Variants in CCR5AS observed in about 807,000 individuals in gnomAD.
The protein encoded by CCR5AS is CCR5 antisense RNA.
intron 1 of CCR5AS, among the ~76,000 whole-genome samples, chr3:46,402,807 A>C (rs1702014496): frequency 6.6e-6 from 1 of 152,136 alleles, no homozygotes; most frequent in Admixed American, 6.5e-5. Context: ...TTTTGTCATG[A>C]GGGTTTGTTG....
intron 1 of CCR5AS, among the ~76,000 whole-genome samples, chr3:46,401,966 C>T (rs1352213442): frequency 6.6e-6 from 1 of 152,020 alleles, no homozygotes; most frequent in East Asian, 1.9e-4. Flanking sequence ...CCCTTTCTTC[C>T]TCATGAAGGA....
chr3:46,402,867 C>T (rs1702014891), intron 1 of CCR5AS, among the ~76,000 whole-genome samples: 1 of 152,180 alleles, frequency 6.6e-6, no homozygotes, highest in Non-Finnish European at 1.5e-5. Flanking sequence ...CAATAGGTAT[C>T]TTTTCTGCTC....
intron 2 of CCR5AS, among the ~76,000 whole-genome samples, chr3:46,379,154 A>G (rs1279444283): frequency 2.8e-5 from 4 of 143,970 alleles, no homozygotes; most frequent in Non-Finnish European, 4.6e-5. Context: ...TATATCTCCC[A>G]ATGCTATCCC....
intron 2 of CCR5AS, among the ~76,000 whole-genome samples, chr3:46,378,123 G>A (rs1273578514): frequency 1.3e-5 from 2 of 152,154 alleles, no homozygotes; most frequent in Non-Finnish European, 2.9e-5. Flanking sequence ...CTGAACAGAA[G>A]AGGCAAAAAC....
At chr3:46,388,123 A>G (rs984029870) in intron 2 of CCR5AS, among the ~76,000 whole-genome samples, 1 of 152,182 alleles carries the variant, frequency 6.6e-6, no homozygotes, top group Non-Finnish European at 1.5e-5. Flanking sequence ...CAGAGGCCTG[A>G]CATTCCTGTC....
At chr3:46,384,969 A>G (rs1701847425) in intron 2 of CCR5AS, among the ~76,000 whole-genome samples, 1 of 152,114 alleles carries the variant, frequency 6.6e-6, no homozygotes, top group Non-Finnish European at 1.5e-5. Flanking sequence ...GCGTGCATGC[A>G]TTCCTCCTGC....
chr3:46,384,564 T>A (rs1229896554), intron 2 of CCR5AS, among the ~76,000 whole-genome samples: 1 of 152,000 alleles, frequency 6.6e-6, no homozygotes, highest in Non-Finnish European at 1.5e-5. Flanking sequence ...AAGAAAAAAA[T>A]TTCTTTTTAA....
At chr3:46,388,208 T>G (rs1430326400) in intron 2 of CCR5AS, among the ~76,000 whole-genome samples, 1 of 152,084 alleles carries the variant, frequency 6.6e-6, no homozygotes, top group Admixed American at 6.5e-5. Flanking sequence ...GGGGGTGGTA[T>G]GGAGAGATAA....
chr3:46,375,310 G>A, intron 2 of CCR5AS: 1 of 167,174 alleles, frequency 6.0e-6, no homozygotes. Context: ...TGAGATCTAG[G>A]TGAGGATTGA....
chr3:46,394,396 C>A (rs1334292690), intron 1 of CCR5AS, among the ~76,000 whole-genome samples: 2 of 152,154 alleles, frequency 1.3e-5, no homozygotes, highest in Non-Finnish European at 2.9e-5. Context: ...ACTTGTGGAA[C>A]ATTCAGGATT....
At chr3:46,372,619 G>T (rs1701678379) in intron 2 of CCR5AS, 1 of 287,656 alleles carries the variant, frequency 3.5e-6, no homozygotes, top group African/African-American at 2.2e-5. Flanking sequence ...TCACTCCATG[G>T]TGCTATAGAG....
intron 3 of CCR5AS, among the ~76,000 whole-genome samples, chr3:46,368,000 T>TCA (rs1701616628): frequency 1.3e-5 from 2 of 152,240 alleles, no homozygotes; most frequent in Admixed American, 1.3e-4. Flanking sequence ...ATGGCAGGGT[T>TCA]TCTGCTCACT....
chr3:46,384,354 G>C (rs1421378397), intron 2 of CCR5AS, among the ~76,000 whole-genome samples: 1 of 152,212 alleles, frequency 6.6e-6, no homozygotes, highest in African/African-American at 2.4e-5. Context: ...ACAAAGAAAA[G>C]GGAAGATGAA....
chr3:46,399,902 C>T (rs146579687), intron 1 of CCR5AS, among the ~76,000 whole-genome samples: 8,328 of 152,234 alleles, frequency 0.055, 757 homozygotes, highest in African/African-American at 0.19. Context: ...CTCAGAACAG[C>T]TATCAGGGAA....
chr3:46,396,958 A>G (rs1353171776), intron 1 of CCR5AS, among the ~76,000 whole-genome samples: 1 of 152,210 alleles, frequency 6.6e-6, no homozygotes, highest in Non-Finnish European at 1.5e-5. Flanking sequence ...CTAATAAATA[A>G]TAAAATGTCA....
At chr3:46,398,565 A>G (rs1387356079) in intron 1 of CCR5AS, among the ~76,000 whole-genome samples, 1 of 152,228 alleles carries the variant, frequency 6.6e-6, no homozygotes, top group Non-Finnish European at 1.5e-5. Context: ...GGTATATACA[A>G]GGGTGTCTTA....
chr3:46,396,641 CA>C (rs1274621330), intron 1 of CCR5AS, among the ~76,000 whole-genome samples: 1 of 152,186 alleles, frequency 6.6e-6, no homozygotes, highest in Non-Finnish European at 1.5e-5. Flanking sequence ...GCCCCCTTCC[CA>C]GGGATGGCTG....
chr3:46,405,956 G>A (rs1388115196), intron 1 of CCR5AS, among the ~76,000 whole-genome samples: 2 of 151,102 alleles, frequency 1.3e-5, no homozygotes, highest in South Asian at 2.1e-4. Context: ...GCTCACCGCA[G>A]CCTCCAACTC....
At position 46,391,780 on chromosome 3, in the gene CCR5AS, G is replaced by A. The variant is rs1559574441; in HGVS notation, n.391+1045C>T. 2.6e-5 allele frequency among the ~76,000 whole-genome samples: 4 copies of A among 152,180 alleles called. No homozygotes were observed. The South Asian group carries it at 8.3e-4, about 32-fold the overall frequency. ...CAAAGGTTTATAGGGTAGGGGAGCA[G>A]AGGCTGGGGAAGAATTGGGACCTGG... On this transcript the variant is annotated intron_variant and non_coding_transcript_variant, in intron 2 of 3. Coordinates refer to ENST00000451485, the Ensembl canonical transcript of CCR5AS.
Sources: allele counts gnomAD v4.1 joint callset (sites outside exome capture counted in the v4.1 genomes callset), GRCh38; gene constraint gnomAD v4.1.1; transcripts MANE v1.5; gene names NCBI Gene and HGNC (gene_info 2026-07-23, HGNC 2026-07-21).